The following EEFSEC variants were observed in gnomAD, a reference collection of about 807,000 sequenced individuals.
The protein encoded by EEFSEC is eukaryotic elongation factor, selenocysteine-tRNA specific.
Under a neutral mutation model 42.1 loss-of-function variants are expected in EEFSEC, and 43 were observed. The ratio of observed to expected loss-of-function variants is 1.02; its 90% confidence interval spans 0.80 to 1.32. The LOEUF (loss-of-function observed/expected upper bound fraction) is 1.32. Ranked by LOEUF, EEFSEC falls within the 40% of genes most tolerant of loss-of-function variation. The probability of loss-of-function intolerance (pLI) is 0.00; values close to 1 mark genes in which losing one functional copy is unlikely to be tolerated. For missense variants in EEFSEC, 745 were observed against 803.6 expected (o/e 0.93, Z 0.88); for synonymous variants, 354 against 339.1 (o/e 1.04, Z -0.48).
At chr3:128,270,415 A>T (rs1357326524) in intron 4 of EEFSEC, among the ~76,000 whole-genome samples, 1 of 152,324 alleles carries the variant, frequency 6.6e-6, no homozygotes, top group South Asian at 2.1e-4. Flanking sequence ...GATGACAAAC[A>T]TTATTAGATA....
At chr3:128,392,468 C>G (rs2067926244) in intron 6 of EEFSEC, among the ~76,000 whole-genome samples, 1 of 152,198 alleles carries the variant, frequency 6.6e-6, no homozygotes, top group Non-Finnish European at 1.5e-5. Context: ...GCGAGGGGAC[C>G]CAGGGTACCT....
rs2107623947 is a variant in EEFSEC at position 128,391,046 on chromosome 3, G to A, written c.1601-17023G>A. 1.3e-5 allele frequency among the ~76,000 whole-genome samples: 2 copies of A among 152,366 alleles called. 1 individual carries two copies. Among genetic ancestry groups the A allele is most frequent in the South Asian group, 4.1e-4 (2 of 4,824 alleles). ...TGGCACCACCTGTCATACGACACAT[G>A]GATGTGTTGGCATCGCCTGTCTCCC... On this transcript the variant is annotated intron_variant, in intron 6 of 6. Coordinates refer to ENST00000254730, the MANE Select transcript of EEFSEC (RefSeq NM_021937.5).
intron 6 of EEFSEC, among the ~76,000 whole-genome samples, chr3:128,383,837 A>C (rs1297820707): frequency 6.6e-6 from 1 of 152,262 alleles, no homozygotes; most frequent in Non-Finnish European, 1.5e-5. Context: ...AAGCAGCAGC[A>C]CATGAGCGGT....
intron 1 of EEFSEC, among the ~76,000 whole-genome samples, chr3:128,180,800 A>G (rs925794507): frequency 6.6e-6 from 1 of 152,230 alleles, no homozygotes; most frequent in East Asian, 1.9e-4. Flanking sequence ...TCCAGAAGAC[A>G]GGGAACCTGG....
In EEFSEC at chr3:128,332,488, G is replaced by A. The variant is rs145466406; in HGVS notation, c.787-8745G>A. Among the ~76,000 whole-genome samples the A allele has an allele frequency of 3.2e-3, 489 of 152,324 alleles. 1 individual carries two copies. The highest frequency in any genetic ancestry group is 0.011 in the African/African-American group (454 of 41,572). ...TATTTTTGAGACGGAGTCTCGCTCTGTCACCCAGGCGGGAGTGCAATGGCG... is the reference window on the plus strand; with the variant it reads ...TATTTTTGAGACGGAGTCTCGCTCTATCACCCAGGCGGGAGTGCAATGGCG... On this transcript the variant is annotated intron_variant, in intron 4 of 6. Coordinates refer to ENST00000254730, the MANE Select transcript of EEFSEC (RefSeq NM_021937.5).
At chr3:128,211,313 G>T (rs1411669761) in intron 1 of EEFSEC, among the ~76,000 whole-genome samples, 1 of 152,020 alleles carries the variant, frequency 6.6e-6, no homozygotes, top group Non-Finnish European at 1.5e-5. Flanking sequence ...GAGTGTAGTG[G>T]CATGATCACA....
chr3:128,262,310 A>G, intron 3 of EEFSEC, 86 bp downstream of exon 3: 3 of 1,218,992 alleles, frequency 2.5e-6, no homozygotes, highest in Non-Finnish European at 3.6e-6. Flanking sequence ...CCTGAGAGAG[A>G]AAGAGAGGCA....
intron 1 of EEFSEC, among the ~76,000 whole-genome samples, chr3:128,201,167 A>G (rs1169693209): frequency 1.3e-5 from 2 of 152,218 alleles, no homozygotes; most frequent in South Asian, 2.1e-4. Flanking sequence ...CCTTCAGTGC[A>G]TATTAAAATA....
chr3:128,247,067 G>A, intron 2 of EEFSEC, 24 bp downstream of exon 2: 1 of 1,611,546 alleles, frequency 6.2e-7, no homozygotes, highest in African/African-American at 1.3e-5. Flanking sequence ...TGAGAGCAAT[G>A]TTCACTGCAT....
intron 1 of EEFSEC, 37 bp downstream of exon 1, chr3:128,153,860 C>A (rs1036832501): frequency 6.8e-6 from 10 of 1,465,478 alleles, no homozygotes; most frequent in Non-Finnish European, 8.0e-6. Flanking sequence ...GGCTCAGGGA[C>A]GCGGGCGGAG....
chr3:128,368,537 A>G (rs950322941), intron 6 of EEFSEC, among the ~76,000 whole-genome samples: 5 of 152,240 alleles, frequency 3.3e-5, no homozygotes, highest in African/African-American at 1.2e-4. Flanking sequence ...TTAAAAAACA[A>G]TAAACAACAA....
intron 1 of EEFSEC, among the ~76,000 whole-genome samples, chr3:128,221,408 A>C (rs2065860101): frequency 6.6e-6 from 1 of 152,242 alleles, no homozygotes; most frequent in Admixed American, 6.5e-5. Context: ...ACTGGTGGAG[A>C]TTAAATTGCT....
chr3:128,397,101 C>T (rs1341080550), intron 6 of EEFSEC, among the ~76,000 whole-genome samples: 1 of 152,228 alleles, frequency 6.6e-6, no homozygotes, highest in Non-Finnish European at 1.5e-5. Context: ...GCCCCACTGC[C>T]CTGGGCCTGG....
Position 128,391,311 on chromosome 3 carries a change from A to G in EEFSEC, c.1601-16758A>G, listed in dbSNP as rs116325195. ...ACGAAATGGTCTCCCGCCCCAAGCT[A>G]TGGAGAGCTCTTCAGGACAGCAGCC... On this transcript the variant is annotated intron_variant, in intron 6 of 6. Transcript: ENST00000254730. 2.6e-3 allele frequency among the ~76,000 whole-genome samples: 403 copies of G among 152,352 alleles called. 1 individual carries two copies. Among genetic ancestry groups the G allele is most frequent in the Non-Finnish European group, 5.0e-3 (342 of 68,032 alleles).
At chr3:128,163,782 G>A (rs2065215347) in intron 1 of EEFSEC, among the ~76,000 whole-genome samples, 1 of 152,000 alleles carries the variant, frequency 6.6e-6, no homozygotes, top group Admixed American at 6.5e-5. Flanking sequence ...TTTCATATAA[G>A]TAGATCACAC....
At chr3:128,297,979 C>T (rs2066726736) in intron 4 of EEFSEC, among the ~76,000 whole-genome samples, 1 of 152,174 alleles carries the variant, frequency 6.6e-6, no homozygotes, top group Admixed American at 6.5e-5. Context: ...CCTGGGACAG[C>T]CAAGGAGGGT....
At chr3:128,164,053 C>T (rs992655184) in intron 1 of EEFSEC, among the ~76,000 whole-genome samples, 5 of 152,142 alleles carry the variant, frequency 3.3e-5, no homozygotes, top group African/African-American at 1.2e-4. Flanking sequence ...ATGTGCTCCT[C>T]AGGCTGCCTC....
At chr3:128,350,827 G>A (rs1326815761) in intron 5 of EEFSEC, among the ~76,000 whole-genome samples, 1 of 152,124 alleles carries the variant, frequency 6.6e-6, no homozygotes, top group Admixed American at 6.5e-5. Flanking sequence ...GATGAGACCT[G>A]GGCTACTTCA....
chr3:128,368,444 C>CAAAAAAAAAAA (rs531725881), intron 6 of EEFSEC, among the ~76,000 whole-genome samples: 1 of 46,458 alleles, frequency 2.2e-5, no homozygotes, highest in African/African-American at 1.1e-4. Flanking sequence ...CCAAAAAAAA[C>CAAAAAAAAAAA]AAAAAAAAAA....
Sources: allele counts gnomAD v4.1 joint callset (sites outside exome capture counted in the v4.1 genomes callset), GRCh38; gene constraint gnomAD v4.1.1; transcripts MANE v1.5; gene names NCBI Gene and HGNC (gene_info 2026-07-23, HGNC 2026-07-21).